The following CYP2U1 variants were observed in gnomAD, a reference collection of about 807,000 sequenced individuals.
The protein encoded by CYP2U1 is cytochrome P450 family 2 subfamily U member 1, also known as cytochrome P450 2U1.
CYP2U1 carries 28 observed loss-of-function variants against 42.8 expected under a neutral mutation model. The ratio of observed to expected loss-of-function variants is 0.65; its 90% CI spans 0.48 to 0.90. The LOEUF (loss-of-function observed/expected upper bound fraction) is 0.90. Among genes scored for constraint, CYP2U1 ranks in the 40% least tolerant of loss-of-function variants. CYP2U1 has a pLI of 0.00. For synonymous variants in CYP2U1, 296 were observed against 278.9 expected (o/e 1.06, Z -0.61); for missense variants, 642 against 693.8 (o/e 0.93, Z 0.84).
chr4:107,933,085 G>T (rs1733099646), intron 1 of CYP2U1, among the ~76,000 whole-genome samples: 1 of 152,180 alleles, frequency 6.6e-6, no homozygotes, highest in Non-Finnish European at 1.5e-5. Context: ...GGCAAAGAAA[G>T]ATCTAGGCTT....
rs982748781 is a variant in CYP2U1, at chr4:107,945,453, T to A, written c.974T>A (p.Met325Lys). The A allele has an allele frequency of 6.2e-7, 1 of 1,613,962 alleles. No individual in the cohort carries two copies. ...TTCATAGACATGTACCTTCTCCACATGGAAGAGGAGAGGAAAAATAATAGT... is the reference window on the plus strand; with the variant it reads ...TTCATAGACATGTACCTTCTCCACAAGGAAGAGGAGAGGAAAAATAATAGT... ...QDFIDMYLLH[M>K]EEERKNNSNS... The change falls in exon 2 of 5, where the codon ATG becomes AAG. Residue 325 changes from methionine to lysine, a missense_variant. Coordinates refer to ENST00000332884, the MANE Select transcript of CYP2U1 (RefSeq NM_183075.3).
At chr4:107,942,557 T>A (rs571422390) in intron 1 of CYP2U1, among the ~76,000 whole-genome samples, 125 of 152,310 alleles carry the variant, frequency 8.2e-4, no homozygotes, top group African/African-American at 2.8e-3. Context: ...TAAGACAATG[T>A]GCTTTGAGCA....
intron 1 of CYP2U1, among the ~76,000 whole-genome samples, chr4:107,943,793 A>G (rs370763548): frequency 2.6e-5 from 4 of 152,202 alleles, no homozygotes; most frequent in African/African-American, 9.6e-5. Context: ...GCAAATAGTA[A>G]GAATTCAGAA....
chr4:107,939,305 A>G (rs1191950567), intron 1 of CYP2U1, among the ~76,000 whole-genome samples: 1 of 152,234 alleles, frequency 6.6e-6, no homozygotes, highest in African/African-American at 2.4e-5. Flanking sequence ...AGACTTGGTC[A>G]TGGTTAAAGA....
intron 4 of CYP2U1, among the ~76,000 whole-genome samples, chr4:107,950,039 G>T (rs553635879): frequency 1.4e-3 from 219 of 152,316 alleles, no homozygotes; most frequent in Non-Finnish European, 2.5e-3. Flanking sequence ...GTTTTTATGA[G>T]TAAGAGTTAA....
chr4:107,939,845 G>T (rs926473800), intron 1 of CYP2U1, among the ~76,000 whole-genome samples: 2 of 152,046 alleles, frequency 1.3e-5, no homozygotes, highest in South Asian at 2.1e-4. Context: ...TGGGGGATGG[G>T]GGGTGGGGAA....
Position 107,931,739 on chromosome 4 carries a change from C to G in CYP2U1, c.96C>G (p.Pro32=). ...RAPLGLLRLD[P]SGGALLLCGL... is the part of the protein sequence containing the mutation. Reference sequence around the variant, plus strand: ...CTCTGGGGCTGCTGCGGCTGGACCCCAGCGGGGGCGCGCTGCTGCTATGCG... The same window carrying G: ...CTCTGGGGCTGCTGCGGCTGGACCCGAGCGGGGGCGCGCTGCTGCTATGCG... The change falls in exon 1 of 5, where the codon CCC becomes CCG. Residue 32 remains proline, a synonymous_variant. Coordinates refer to ENST00000332884, the MANE Select transcript of CYP2U1 (RefSeq NM_183075.3). 7.0e-7 allele frequency: 1 copy of G among 1,422,254 alleles called. No homozygotes were observed. Among genetic ancestry groups the G allele is most frequent in the South Asian group, 1.5e-5 (1 of 65,828 alleles). 88.1% of individuals were successfully genotyped at this position (1,422,254 alleles called of 1,614,324 possible). A position where few individuals can be genotyped will look rare whatever the true frequency, so the allele number is the denominator to read the frequency against.
At position 107,945,214 on chromosome 4, in the gene CYP2U1, TAGTG is replaced by T. The variant is rs1248632205; in HGVS notation, c.739_742del (p.Glu247SerfsTer12). On this transcript the variant is annotated frameshift_variant, in exon 2 of 5. Transcript: ENST00000332884. LOFTEE classifies it high-confidence loss of function. ...TTGGCCAGCGCTTTGATTACACTAA[TAGTG>T]AGTTCAAGAAAATGCTTGGTTTTAT... 1 of 1,614,108 alleles carries T rather than the reference TAGTG, an allele frequency of 6.2e-7. No individual in the cohort carries two copies. Among genetic ancestry groups the T allele is most frequent in the Non-Finnish European group, 8.5e-7 (1 of 1,180,002 alleles).
At chr4:107,947,623 CTG>C in intron 3 of CYP2U1, 86 bp downstream of exon 3, 2 of 1,355,204 alleles carry the variant, frequency 1.5e-6, no homozygotes, top group South Asian at 1.3e-5. Context: ...GGTGTGGTGA[CTG>C]TTGTCTAGCT....
In CYP2U1 at chr4:107,931,811, G is replaced by T; in HGVS notation, c.168G>T (p.Ala56=). Reference sequence around the variant, plus strand: ...GGAGCTGGCTGCGGAGGCGCCGGGCGCGGGGCATCCCGCCCGGGCCCACGC... The same window carrying T: ...GGAGCTGGCTGCGGAGGCGCCGGGCTCGGGGCATCCCGCCCGGGCCCACGC... The part of the protein sequence containing the change: ...LGWSWLRRRR[A]RGIPPGPTPW... Residue 56 remains alanine (A), a synonymous_variant, in exon 1 of 5, where the codon GCG becomes GCT. Transcript: ENST00000332884. The T allele has an allele frequency of 6.6e-7, 1 of 1,519,394 alleles. No homozygotes were observed. Among genetic ancestry groups the T allele is most frequent in the Non-Finnish European group, 8.8e-7 (1 of 1,133,712 alleles). The allele number at this position is 1,519,394 out of a possible 1,614,324, so 94.1% of individuals were successfully genotyped here.
chr4:107,944,852 T>TATATATATATATATATA (rs536313224), intron 1 of CYP2U1, 118 bp from the exon 2 acceptor site: 58 of 101,022 alleles, frequency 5.7e-4, no homozygotes, highest in East Asian at 8.7e-4. Context: ...ATATATATAT[T>TATATATATATATATATA]TATATGAGGA....
rs1733880822 is a variant in CYP2U1 at position 107,950,689 on chromosome 4, C to G, written c.*266C>G. The G allele has an allele frequency of 3.2e-6, 1 of 311,938 alleles. No homozygotes were observed. Among genetic ancestry groups the G allele is most frequent in the African/African-American group, 2.1e-5 (1 of 47,118 alleles). 19.3% of individuals were successfully genotyped at this position (311,938 alleles called of 1,614,324 possible). On this transcript the variant is annotated 3_prime_UTR_variant, in exon 5 of 5. Transcript: ENST00000332884. ...AAACGGGATATCTGGATTTTACTTG[C>G]AGTGGCTTCCACCGATGGGCCAATC...
Position 107,931,802 on chromosome 4 carries a change from G to C in CYP2U1, c.159G>C (p.Arg53Ser), listed in dbSNP as rs762434691. The change falls in exon 1 of 5, where the codon AGG (arginine) becomes AGC (serine). Residue 53 changes from arginine (R) to serine (S), a missense_variant. By Grantham distance (110) the Arg-to-Ser change is moderately radical. Transcript: ENST00000332884. ...VALLGWSWLR[R>S]RRARGIPPGP... Reference sequence around the variant, plus strand: ...TGCTGGGCTGGAGCTGGCTGCGGAGGCGCCGGGCGCGGGGCATCCCGCCCG... The same window carrying C: ...TGCTGGGCTGGAGCTGGCTGCGGAGCCGCCGGGCGCGGGGCATCCCGCCCG... 1 of 1,513,806 alleles carries C rather than the reference G, an allele frequency of 6.6e-7. No homozygotes were observed. Among genetic ancestry groups the C allele is most frequent in the Non-Finnish European group, 8.8e-7 (1 of 1,132,048 alleles). The allele number at this position is 1,513,806 out of a possible 1,614,324, so 93.8% of individuals were successfully genotyped here.
intron 3 of CYP2U1, among the ~76,000 whole-genome samples, chr4:107,948,865 CT>C (rs1240776821): frequency 6.6e-6 from 1 of 151,978 alleles, no homozygotes; most frequent in Non-Finnish European, 1.5e-5. Context: ...TTTATAGTAT[CT>C]TTTGGGCATT....
chr4:107,950,192 T>A lies in CYP2U1; in HGVS notation c.1457-53T>A, dbSNP rs544449820. 7 of 1,481,968 alleles carry A rather than the reference T, an allele frequency of 4.7e-6. No homozygotes were observed. The South Asian group carries it at 9.4e-5, about 20-fold the overall frequency. 91.8% of individuals were successfully genotyped at this position (1,481,968 alleles called of 1,614,324 possible). ...TCATATAAATTTGTACTTTTTGAAA[T>A]AGGAGAAGGGATGGTATTATAATCC... On this transcript the variant is annotated intron_variant, in intron 4 of 4. Transcript: ENST00000332884.
At chr4:107,941,997 TA>T (rs2126196881) in intron 1 of CYP2U1, among the ~76,000 whole-genome samples, 1 of 152,350 alleles carries the variant, frequency 6.6e-6, no homozygotes, top group South Asian at 2.1e-4. Flanking sequence ...TAAAGAAATT[TA>T]AAAACAAGCA....
At chr4:107,937,010 A>G (rs974560814) in intron 1 of CYP2U1, among the ~76,000 whole-genome samples, 7 of 146,610 alleles carry the variant, frequency 4.8e-5, no homozygotes, top group African/African-American at 7.4e-5. Context: ...CTTGTAGGAC[A>G]CTAGTCATGA....
chr4:107,944,194 T>C (rs553347825), intron 1 of CYP2U1, among the ~76,000 whole-genome samples: 1 of 152,308 alleles, frequency 6.6e-6, no homozygotes, highest in East Asian at 1.9e-4. Context: ...CAATGAGATA[T>C]GGTCTGTGCC....
chr4:107,940,987 TC>T (rs1383493312), intron 1 of CYP2U1: 1 of 151,872 alleles, frequency 6.6e-6, no homozygotes, highest in African/African-American at 2.4e-5. Flanking sequence ...AAAGAGACAT[TC>T]CCCCAACATA....
Sources: gnomAD v4.1 joint callset for allele counts (sites outside exome capture counted in the v4.1 genomes callset) on GRCh38, gnomAD v4.1.1 for gene constraint, MANE v1.5 for transcripts, NCBI Gene and HGNC (gene_info 2026-07-23, HGNC 2026-07-21) for gene names.